The following PRSS21 variants were observed in gnomAD, a reference collection of about 807,000 sequenced individuals.
PRSS21 encodes serine protease 21.
PRSS21 carries 40 observed loss-of-function variants against 31.1 expected under a neutral mutation model. That is an observed-to-expected ratio of 1.29 (90% CI 1.00 to 1.68). The LOEUF (loss-of-function observed/expected upper bound fraction) is 1.68. Among genes scored for constraint, PRSS21 ranks in the 40% most tolerant of loss-of-function variants. The pLI, the probability that PRSS21 is intolerant of heterozygous loss-of-function variation, is 0.00. For missense variants in PRSS21, 467 were observed against 412.6 expected, an observed-to-expected ratio of 1.13 and a Z score of -1.14; for synonymous variants, 186 against 167.7, an observed-to-expected ratio of 1.11 and a Z score of -0.84.
intron 4 of PRSS21, among the ~76,000 whole-genome samples, chr16:2,820,034 AG>A (rs1311625194): frequency 6.6e-6 from 1 of 152,098 alleles, no homozygotes; most frequent in Non-Finnish European, 1.5e-5. Flanking sequence ...TCCCCAGCCC[AG>A]GGTAGACAGG....
At chr16:2,821,323 A>G in intron 5 of PRSS21, 43 bp from the exon 6 acceptor site, 2 of 1,607,668 alleles carry the variant, frequency 1.2e-6, no homozygotes, top group Non-Finnish European at 1.7e-6. Flanking sequence ...CCCCTGCCCC[A>G]CTCACTCTGC....
chr16:2,817,345 C>T lies in PRSS21; in HGVS notation c.64+13C>T. 3 of 1,563,044 alleles carry T rather than the reference C, an allele frequency of 1.9e-6. No homozygotes were observed. Among genetic ancestry groups the T allele is most frequent in the Non-Finnish European group, 2.6e-6 (3 of 1,158,354 alleles). ...CTCAGGAAGCCGGGTGAGCTCGGGG[C>T]GCTGCTGGCGGGATGGGGAGGCGGG... On this transcript the variant is annotated intron_variant, in intron 1 of 5. Coordinates refer to ENST00000005995, the MANE Select transcript of PRSS21 (RefSeq NM_006799.4). The surrounding 1 kb of genome is among the most constrained non-coding windows in gnomAD (Gnocchi z 4.2).
rs2069097263 is a variant in PRSS21, at chr16:2,817,558, C to T, written c.91+102C>T. 5 of 1,434,984 alleles carry T rather than the reference C, an allele frequency of 3.5e-6. No individual in the cohort carries two copies. The highest frequency in any genetic ancestry group is 4.6e-6 in the Non-Finnish European group (5 of 1,083,282). 88.9% of individuals were successfully genotyped at this position (1,434,984 alleles called of 1,614,324 possible). On this transcript the variant is annotated intron_variant, in intron 2 of 5. Coordinates refer to ENST00000005995, the MANE Select transcript of PRSS21 (RefSeq NM_006799.4). This position sits in a 1 kb window ranked among gnomAD's most constrained non-coding sequence, Gnocchi z 4.2. ...GGGGCCTTTACTGCTCTCTCGCCCC[C>T]GCCCCCGGGATCGAGAACTCTGTTG...
intron 3 of PRSS21, among the ~76,000 whole-genome samples, 165 bp downstream of exon 3, chr16:2,818,131 C>T (rs984614477): frequency 6.6e-6 from 1 of 152,192 alleles, no homozygotes; most frequent in Non-Finnish European, 1.5e-5. Flanking sequence ...CAGCCGGTTA[C>T]ACCCACTCCA....
intron 5 of PRSS21, 57 bp downstream of exon 5, chr16:2,821,166 T>C: frequency 2.5e-6 from 4 of 1,601,610 alleles, no homozygotes; most frequent in Non-Finnish European, 3.4e-6. Flanking sequence ...CCCTGTGCCT[T>C]ATTTGACCCT....
Position 2,821,064 on chromosome 16 carries a change from C to A in PRSS21, c.660C>A (p.Asp220Glu), listed in dbSNP as rs534964631. ...KYSFRKDIFG[D>E]MVCAGNAQGG... ...GTTTCCGCAAGGACATCTTTGGAGA[C>A]ATGGTTTGTGCTGGCAATGCCCAAG... is the stretch of plus-strand genomic sequence containing the variant. Residue 220 changes from aspartate to glutamate, a missense_variant, in exon 5 of 6, where the codon GAC becomes GAA. By Grantham distance (45) the Asp-to-Glu change is conservative. Coordinates refer to ENST00000005995, the MANE Select transcript of PRSS21 (RefSeq NM_006799.4). 6.2e-7 allele frequency: 1 copy of A among 1,614,192 alleles called. No individual in the cohort carries two copies. Among genetic ancestry groups the A allele is most frequent in the African/African-American group, 1.3e-5 (1 of 75,050 alleles).
Position 2,817,598 on chromosome 16 carries a change from T to A in PRSS21, c.91+142T>A. On this transcript the variant is annotated intron_variant, in intron 2 of 5. Transcript: ENST00000005995. This position sits in a 1 kb window ranked among gnomAD's most constrained non-coding sequence, Gnocchi z 4.2. Reference sequence around the variant, plus strand: ...GAACTCTGTTGGCGTGGAAAGTAACTAACGGACGCTGGAGGGGGATGGGCG... The same window carrying A: ...GAACTCTGTTGGCGTGGAAAGTAACAAACGGACGCTGGAGGGGGATGGGCG... The A allele has an allele frequency of 7.4e-7, 1 of 1,345,048 alleles. No individual in the cohort carries two copies. The highest frequency in any genetic ancestry group is 1.0e-6 in the Non-Finnish European group (1 of 1,004,660). 83.3% of individuals were successfully genotyped at this position (1,345,048 alleles called of 1,614,324 possible).
chr16:2,817,871 G>A lies in PRSS21; in HGVS notation c.162G>A (p.Pro54=), dbSNP rs769984449. 3 of 1,550,016 alleles carry A rather than the reference G, an allele frequency of 1.9e-6. No individual in the cohort carries two copies. Among genetic ancestry groups the A allele is most frequent in the South Asian group, 1.2e-5 (1 of 84,094 alleles). The change falls in exon 3 of 6, where the codon CCG becomes CCA. Residue 54 remains proline, a synonymous_variant. Coordinates refer to ENST00000005995, the MANE Select transcript of PRSS21 (RefSeq NM_006799.4). The surrounding 1 kb of genome is among the most constrained non-coding windows in gnomAD (Gnocchi z 4.2). The part of the protein sequence containing the change: ...GGEDAELGRW[P]WQGSLRLWDS... ...AGGACGCCGAACTCGGGCGTTGGCC[G>A]TGGCAGGGGAGCCTGCGCCTGTGGG...
rs200208957 is a variant in PRSS21 at position 2,818,780 on chromosome 16, G to T, written c.361G>T (p.Val121Leu). Reference sequence around the variant, plus strand: ...GCAGGCCTACTACACCCGTTACTTCGTATCGAATATCTATCTGAGCCCTCG... The same window carrying T: ...GCAGGCCTACTACACCCGTTACTTCTTATCGAATATCTATCTGAGCCCTCG... ...SLQAYYTRYFVSNIYLSPRYL... is the reference protein window; with the variant it reads ...SLQAYYTRYFLSNIYLSPRYL... Residue 121 changes from valine (V) to leucine (L), a missense_variant, in exon 4 of 6, where the codon GTA (valine) becomes TTA (leucine). By Grantham distance (32) the Val-to-Leu change is conservative. Coordinates refer to ENST00000005995, the MANE Select transcript of PRSS21 (RefSeq NM_006799.4). 4 of 1,613,520 alleles carry T rather than the reference G, an allele frequency of 2.5e-6. No homozygotes were observed. In the Admixed American group the frequency reaches 5.0e-5, roughly 20 times the overall value.
chr16:2,821,224 A>C, intron 5 of PRSS21, 115 bp downstream of exon 5: 1 of 1,541,808 alleles, frequency 6.5e-7, no homozygotes. Flanking sequence ...CTGCAGATGC[A>C]GAAACGGAGG....
At chr16:2,820,897 C>T in intron 4 of PRSS21, 58 bp from the exon 5 acceptor site, 1 of 1,568,560 alleles carries the variant, frequency 6.4e-7, no homozygotes, top group Non-Finnish European at 8.7e-7. Flanking sequence ...CCTATGCCAT[C>T]CCTCCATAGA....
intron 5 of PRSS21, 116 bp from the exon 6 acceptor site, chr16:2,821,250 G>T: frequency 2.0e-6 from 3 of 1,533,290 alleles, no homozygotes; most frequent in South Asian, 1.2e-5. Context: ...CTGCTGCCAG[G>T]GGGAGGAGGA....
Position 2,821,315 on chromosome 16 carries a change from C to G in PRSS21, c.706-51C>G, listed in dbSNP as rs542155096. 2.5e-6 allele frequency: 4 copies of G among 1,605,678 alleles called. No homozygotes were observed. The South Asian group carries it at 3.3e-5, about 13-fold the overall frequency. On this transcript the variant is annotated intron_variant, in intron 5 of 5. Transcript: ENST00000005995. ...AGCCCTTCCCACTCTCAGCCCCTCC[C>G]CTGCCCCACTCACTCTGCCCCAGGC...
intron 4 of PRSS21, among the ~76,000 whole-genome samples, chr16:2,819,752 G>A (rs887312227): frequency 6.6e-6 from 1 of 152,248 alleles, no homozygotes; most frequent in South Asian, 2.1e-4. Flanking sequence ...AATGAAGTTG[G>A]TAACGTTCTT....
rs1229982343 is a variant in PRSS21, at chr16:2,818,935, G to A, written c.516G>A (p.Trp172Ter). The change falls in exon 4 of 6, where the codon TGG becomes TGA. Residue 172 changes from tryptophan to a stop codon, truncating the protein, a stop_gained. Coordinates refer to ENST00000005995, the MANE Select transcript of PRSS21 (RefSeq NM_006799.4). LOFTEE classifies it high-confidence loss of function. ...AGTTTGAGAACCGGACAGACTGCTG[G>A]GTGACTGGCTGGGGGTACATCAAAG... ...TFEFENRTDC[W>*]VTGWGYIKED... 1.2e-6 allele frequency: 2 copies of A among 1,614,212 alleles called. No individual in the cohort carries two copies. Among genetic ancestry groups the A allele is most frequent in the South Asian group, 1.1e-5 (1 of 91,088 alleles).
rs528380640 is a variant in PRSS21 at position 2,821,407 on chromosome 16, G to A, written c.747G>A (p.Leu249=). ...CCTTGGCCTGTAACAAGAATGGACT[G>A]TGGTATCAGATTGGAGTCGTGAGCT... is the stretch of plus-strand genomic sequence containing the variant. ...GGPLACNKNG[L]WYQIGVVSWG... The change falls in exon 6 of 6, where the codon CTG becomes CTA. Residue 249 remains leucine, a synonymous_variant. Coordinates refer to ENST00000005995, the MANE Select transcript of PRSS21 (RefSeq NM_006799.4). 10 of 1,614,246 alleles carry A rather than the reference G, an allele frequency of 6.2e-6. No homozygotes were observed. The South Asian group carries it at 8.8e-5, about 14-fold the overall frequency.
Position 2,817,467 on chromosome 16 carries a change from C to A in PRSS21, c.91+11C>A. 1.3e-6 allele frequency: 2 copies of A among 1,581,312 alleles called. No homozygotes were observed. Among genetic ancestry groups the A allele is most frequent in the East Asian group, 2.3e-5 (1 of 43,974 alleles). On this transcript the variant is annotated intron_variant, in intron 2 of 5. Transcript: ENST00000005995. The surrounding 1 kb of genome is among the most constrained non-coding windows in gnomAD (Gnocchi z 4.2). ...CGGCGCCGTTATCAGGTAGGGCGCC[C>A]AGGACGCGCGATTCCTGCCAGGGCC...
intron 5 of PRSS21, 31 bp downstream of exon 5, chr16:2,821,140 G>A (rs1277936791): frequency 6.2e-7 from 1 of 1,612,362 alleles, no homozygotes; most frequent in Non-Finnish European, 8.5e-7. Flanking sequence ...TCCCAGCCCA[G>A]GAAAGCATCC....
At chr16:2,820,783 T>C (rs1043195841) in intron 4 of PRSS21, among the ~76,000 whole-genome samples, 172 bp from the exon 5 acceptor site, 2 of 152,166 alleles carry the variant, frequency 1.3e-5, no homozygotes, top group African/African-American at 4.8e-5. Flanking sequence ...CCTTCTGTGA[T>C]GCTGCTGAGG....
Sources: allele counts gnomAD v4.1 joint callset (sites outside exome capture counted in the v4.1 genomes callset), GRCh38; gene constraint gnomAD v4.1.1; non-coding constraint Gnocchi (gnomAD v3.1); transcripts MANE v1.5; gene names NCBI Gene and HGNC (gene_info 2026-07-23, HGNC 2026-07-21).